IL1RAP: variants seen among roughly 807,000 people sequenced by gnomAD.
The protein encoded by IL1RAP is interleukin 1 receptor accessory protein.
IL1RAP carries 35 observed loss-of-function variants against 60.7 expected under a neutral mutation model. The ratio of observed to expected loss-of-function variants is 0.58; its 90% CI spans 0.44 to 0.76. IL1RAP has a LOEUF of 0.76. Ranked by LOEUF, IL1RAP falls within the 30% of genes least tolerant of loss-of-function variation. The pLI, the probability that IL1RAP is intolerant of heterozygous loss-of-function variation, is 0.00. For synonymous variants in IL1RAP, 268 were observed against 250.9 expected, an observed-to-expected ratio of 1.07 and a Z score of -0.64; for missense variants, 572 against 693.9, an observed-to-expected ratio of 0.82 and a Z score of 1.97.
At chr3:190,554,407 A>G (rs1320273847) in intron 1 of IL1RAP, among the ~76,000 whole-genome samples, 2 of 152,254 alleles carry the variant, frequency 1.3e-5, no homozygotes, top group Non-Finnish European at 2.9e-5. Context: ...GCAAACTTTC[A>G]TGGCTCCACC....
intron 7 of IL1RAP, among the ~76,000 whole-genome samples, chr3:190,625,622 T>G (rs998500433): frequency 6.6e-6 from 1 of 152,222 alleles, no homozygotes; most frequent in African/African-American, 2.4e-5. Context: ...TTGTATGTTA[T>G]GTATGTTGAC....
intron 1 of IL1RAP, among the ~76,000 whole-genome samples, chr3:190,537,906 G>T (rs1264083698): frequency 6.6e-6 from 1 of 151,984 alleles, no homozygotes; most frequent in Non-Finnish European, 1.5e-5. Flanking sequence ...AGTCTTACTA[G>T]ATTTCTTGTT....
At chr3:190,656,115 G>C, downstream of IL1RAP, 1 of 1,537,312 alleles carries the variant, frequency 6.5e-7, no homozygotes. Flanking sequence ...TTGTGAGCTG[G>C]AAGGGAGAAA....
intron 1 of IL1RAP, among the ~76,000 whole-genome samples, chr3:190,515,233 C>CTTT (rs34578850): frequency 0.27 from 39,206 of 144,588 alleles, 5,545 homozygotes; most frequent in Middle Eastern, 0.42. Flanking sequence ...TTCTTTCTTC[C>CTTT]TTTTTTTTTT....
rs369634566 is a variant in IL1RAP at position 190,604,216 on chromosome 3, A to G, written c.153A>G (p.Glu51=). The change falls in exon 4 of 12, where the codon GAA becomes GAG. Residue 51 remains glutamate (E), a synonymous_variant. Transcript: ENST00000447382. ...EPARIKCPLF[E]HFLKFNYSTA... is the part of the protein sequence containing the mutation. ...CTCGCATCAAGTGCCCACTCTTTGA[A>G]CACTTCTTGAAATTCAACTACAGCA... The G allele has an allele frequency of 1.5e-5, 24 of 1,613,882 alleles. No homozygotes were observed. The African/African-American group carries it at 1.9e-4, about 13-fold the overall frequency.
intron 1 of IL1RAP, among the ~76,000 whole-genome samples, chr3:190,523,665 AGCTCTATCCATGTTTCGGTAAAG>A (rs1722270878): frequency 6.6e-6 from 1 of 152,172 alleles, no homozygotes; most frequent in Non-Finnish European, 1.5e-5. Flanking sequence ...AATGGTCCCC[AGCTCTATCCATGTTTCGGTAAAG>A]GACATAATCT....
intron 2 of IL1RAP, among the ~76,000 whole-genome samples, chr3:190,557,882 A>G (rs894236135): frequency 6.6e-6 from 1 of 152,170 alleles, no homozygotes; most frequent in Non-Finnish European, 1.5e-5. Flanking sequence ...ACTGTGACAA[A>G]CAGGATACAA....
chr3:190,612,852 T>C (rs1730940508), intron 5 of IL1RAP, among the ~76,000 whole-genome samples: 1 of 152,216 alleles, frequency 6.6e-6, no homozygotes, highest in African/African-American at 2.4e-5. Flanking sequence ...GACTTAACCA[T>C]ATTTTTGACT....
rs568257970 is a variant in IL1RAP, at chr3:190,556,534, C to G, written c.-2+318C>G. The stretch of plus-strand genomic sequence containing the variant: ...TATGAGGCCTAGAGAAGGGAAACCT[C>G]CTGAGCCACGATTTTCCAATTTCCA... On this transcript the variant is annotated intron_variant, in intron 2 of 11. Coordinates refer to ENST00000447382, the MANE Select transcript of IL1RAP (RefSeq NM_002182.4). Among the ~76,000 whole-genome samples the G allele has an allele frequency of 3.3e-5, 5 of 152,274 alleles. No homozygotes were observed. The East Asian group carries it at 9.6e-4, about 29-fold the overall frequency.
chr3:190,645,647 T>C, intron 10 of IL1RAP, 52 bp from the exon 11 acceptor site: 1 of 1,403,584 alleles, frequency 7.1e-7, no homozygotes, highest in Non-Finnish European at 9.9e-7. Flanking sequence ...AAAAATGTAA[T>C]GGTATTGAGA....
intron 3 of IL1RAP, among the ~76,000 whole-genome samples, chr3:190,597,676 G>A (rs1297794131): frequency 1.3e-5 from 2 of 152,184 alleles, no homozygotes; most frequent in African/African-American, 2.4e-5. Context: ...GAGTCAAGGA[G>A]AACAGAATTA....
downstream of IL1RAP, among the ~76,000 whole-genome samples, chr3:190,654,966 A>G (rs1364357330): frequency 6.6e-6 from 1 of 152,198 alleles, no homozygotes; most frequent in Non-Finnish European, 1.5e-5. Context: ...AGTCTTAGCT[A>G]CTTGACTAAT....
At chr3:190,522,427 C>CTATG (rs1490796394) in intron 1 of IL1RAP, among the ~76,000 whole-genome samples, 1 of 103,950 alleles carries the variant, frequency 9.6e-6, no homozygotes, top group Non-Finnish European at 2.1e-5. Flanking sequence ...ATGTATCTAT[C>CTATG]TATCTATCTA....
At chr3:190,644,449 T>G (rs1185466961) in intron 10 of IL1RAP, 52 bp downstream of exon 10, 1 of 1,353,118 alleles carries the variant, frequency 7.4e-7, no homozygotes, top group East Asian at 2.3e-5. Flanking sequence ...CTTTAGAACA[T>G]ATGTTGTAAA....
At chr3:190,580,978 A>G (rs552302269) in intron 3 of IL1RAP, among the ~76,000 whole-genome samples, 1 of 152,330 alleles carries the variant, frequency 6.6e-6, no homozygotes, top group East Asian at 1.9e-4. Context: ...TATGTCAATC[A>G]TACCTCAGTA....
intron 6 of IL1RAP, among the ~76,000 whole-genome samples, chr3:190,620,876 G>A (rs1731719566): frequency 6.6e-6 from 1 of 152,148 alleles, no homozygotes; most frequent in Non-Finnish European, 1.5e-5. Flanking sequence ...TCAAAAGAAT[G>A]TTTTACTTGG....
At chr3:190,614,903 C>T (rs889838040) in intron 5 of IL1RAP, among the ~76,000 whole-genome samples, 2 of 152,058 alleles carry the variant, frequency 1.3e-5, no homozygotes, top group Non-Finnish European at 1.5e-5. Flanking sequence ...GACCGTGGGA[C>T]GTAGGTGAAC....
At chr3:190,521,228 CT>C (rs909145591) in intron 1 of IL1RAP, among the ~76,000 whole-genome samples, 3 of 151,782 alleles carry the variant, frequency 2.0e-5, no homozygotes, top group African/African-American at 7.3e-5. Context: ...ATAATAACAG[CT>C]TTTTTTTAAT....
intron 1 of IL1RAP, among the ~76,000 whole-genome samples, chr3:190,555,702 C>G (rs1462865301): frequency 2.0e-5 from 3 of 152,132 alleles, no homozygotes; most frequent in African/African-American, 7.2e-5. Context: ...GGTTTGAATA[C>G]CTCCAAAAAT....
Sources: allele counts gnomAD v4.1 joint callset (sites outside exome capture counted in the v4.1 genomes callset), GRCh38; gene constraint gnomAD v4.1.1; transcripts MANE v1.5; gene names NCBI Gene and HGNC (gene_info 2026-07-23, HGNC 2026-07-21).